NTM: variants seen among roughly 807,000 people sequenced by gnomAD.
NTM encodes IgLON family member 2.
Under a neutral mutation model 42.1 loss-of-function variants are expected in NTM, and 13 were observed. That is an observed-to-expected ratio of 0.31 (90% confidence interval 0.20 to 0.49). The LOEUF (loss-of-function observed/expected upper bound fraction) is 0.49, where lower values mean the gene tolerates loss of function less well. Ranked by LOEUF, NTM falls within the 20% of genes least tolerant of loss-of-function variation. The probability of loss-of-function intolerance (pLI) is 0.99; values close to 1 mark genes in which losing one functional copy is unlikely to be tolerated. For synonymous variants in NTM, 187 were observed against 179.2 expected (o/e 1.04, Z -0.35); for missense variants, 373 against 452.8 (o/e 0.82, Z 1.60).
intron 1 of NTM, among the ~76,000 whole-genome samples, chr11:131,871,485 T>C (rs187558077): frequency 1.3e-5 from 2 of 152,330 alleles, no homozygotes; most frequent in African/African-American, 4.8e-5. Context: ...ACAGCATGAC[T>C]GAATGTTATT....
intron 3 of NTM, among the ~76,000 whole-genome samples, chr11:132,210,861 A>G (rs1331075202): frequency 1.3e-5 from 2 of 152,192 alleles, no homozygotes; most frequent in Admixed American, 6.5e-5. Context: ...AAAATAGAAG[A>G]CCAAAGGAAG....
At chr11:131,884,472 T>C (rs1336997776) in intron 1 of NTM, among the ~76,000 whole-genome samples, 1 of 152,108 alleles carries the variant, frequency 6.6e-6, no homozygotes, top group Non-Finnish European at 1.5e-5. Flanking sequence ...GGTTTTAATA[T>C]TCCCAGGTCT....
chr11:132,102,417 G>A (rs1247715749), intron 2 of NTM, among the ~76,000 whole-genome samples: 1 of 152,120 alleles, frequency 6.6e-6, no homozygotes, highest in Non-Finnish European at 1.5e-5. Flanking sequence ...TGAAGAGCTG[G>A]GGCATACATT....
intron 2 of NTM, among the ~76,000 whole-genome samples, chr11:132,052,975 A>T (rs1315141568): frequency 6.6e-6 from 1 of 152,200 alleles, no homozygotes; most frequent in Non-Finnish European, 1.5e-5. Flanking sequence ...TGAAACAACA[A>T]CAACAAAATA....
intron 1 of NTM, among the ~76,000 whole-genome samples, chr11:131,579,528 A>G (rs2058214846): frequency 6.6e-6 from 1 of 152,180 alleles, no homozygotes; most frequent in Non-Finnish European, 1.5e-5. Context: ...ACCCCATAAT[A>G]TGTGAGCAAA....
chr11:131,989,236 A>G (rs927975962), intron 2 of NTM, among the ~76,000 whole-genome samples: 3 of 152,196 alleles, frequency 2.0e-5, no homozygotes, highest in African/African-American at 7.2e-5. Context: ...GCTCAAAAAC[A>G]TACTAATTAA....
At position 132,157,453 on chromosome 11, in the gene NTM, T is replaced by C. The variant is rs941211871; in HGVS notation, c.400+10939T>C. Among the ~76,000 whole-genome samples the C allele has an allele frequency of 3.9e-5, 6 of 152,274 alleles. No homozygotes were observed. The South Asian group carries it at 6.2e-4, about 16-fold the overall frequency. On this transcript the variant is annotated intron_variant, in intron 3 of 8. Coordinates refer to ENST00000683400, the MANE Select transcript of NTM (RefSeq NM_001352005.2). ...AGTCATCCACATTTCAAAACTAAGA[T>C]GATACTTTTTGATGTTGAAAATTTC... is the stretch of plus-strand genomic sequence containing the variant.
At chr11:131,708,440 A>T (rs2076799654) in intron 1 of NTM, among the ~76,000 whole-genome samples, 1 of 152,170 alleles carries the variant, frequency 6.6e-6, no homozygotes, top group Non-Finnish European at 1.5e-5. Context: ...CCTAAACATT[A>T]ACATTAGAGA....
chr11:132,130,387 C>T (rs1357823309), intron 2 of NTM, among the ~76,000 whole-genome samples: 1 of 152,056 alleles, frequency 6.6e-6, no homozygotes, highest in African/African-American at 2.4e-5. Flanking sequence ...ATTTTCCATT[C>T]TCTGCCTTGT....
intron 7 of NTM, 154 bp downstream of exon 7, chr11:132,314,857 T>A: frequency 1.4e-6 from 2 of 1,379,838 alleles, no homozygotes; most frequent in Admixed American, 3.3e-5. Context: ...CAGAAAGAAA[T>A]GGAGAGAGAG....
In NTM at chr11:132,110,879, A is replaced by G. The variant is rs1177168598; in HGVS notation, c.168-35403A>G. Among the ~76,000 whole-genome samples the G allele has an allele frequency of 2.6e-5, 4 of 151,586 alleles. No homozygotes were observed. In the East Asian group the frequency reaches 7.8e-4, roughly 29 times the overall value. ...GAGAGACCTCATCTCTACTAAAAAT[A>G]AAATTTAAAAAATTTTAAAAAATAT... is the stretch of plus-strand genomic sequence containing the variant. On this transcript the variant is annotated intron_variant, in intron 2 of 8. Coordinates refer to ENST00000683400, the MANE Select transcript of NTM (RefSeq NM_001352005.2).
intron 1 of NTM, among the ~76,000 whole-genome samples, chr11:131,388,822 G>C (rs909793952): frequency 2.6e-5 from 4 of 151,508 alleles, no homozygotes; most frequent in African/African-American, 9.7e-5. Flanking sequence ...GACCAGCCTG[G>C]CCAACATGGT....
intron 2 of NTM, among the ~76,000 whole-genome samples, chr11:131,914,532 A>G (rs577153498): frequency 2.0e-5 from 3 of 152,296 alleles, no homozygotes; most frequent in African/African-American, 7.2e-5. Context: ...CCAACATCAT[A>G]TTTTGAGGAT....
chr11:131,604,201 T>C (rs560979893), intron 1 of NTM, among the ~76,000 whole-genome samples: 2 of 152,262 alleles, frequency 1.3e-5, no homozygotes, highest in African/African-American at 4.8e-5. Context: ...ATGATCTGTC[T>C]TTTTTTACTA....
chr11:131,716,652 CT>C (rs2077721004), intron 1 of NTM, among the ~76,000 whole-genome samples: 1 of 152,126 alleles, frequency 6.6e-6, no homozygotes, highest in Non-Finnish European at 1.5e-5. Flanking sequence ...AACCATGTGT[CT>C]TTTTTGGTGA....
At chr11:132,114,795 CA>C (rs2063666231) in intron 2 of NTM, among the ~76,000 whole-genome samples, 1 of 152,132 alleles carries the variant, frequency 6.6e-6, no homozygotes, top group Admixed American at 6.5e-5. Flanking sequence ...GGGTAGGCTC[CA>C]GGGGCATAGA....
rs542906608 is a variant in NTM, at chr11:131,740,551, G to A, written c.83-171013G>A. Among the ~76,000 whole-genome samples the A allele has an allele frequency of 2.0e-5, 3 of 152,244 alleles. No individual in the cohort carries two copies. The South Asian group carries it at 6.2e-4, about 32-fold the overall frequency. On this transcript the variant is annotated intron_variant, in intron 1 of 8. Transcript: ENST00000683400. The stretch of plus-strand genomic sequence containing the variant: ...CTCACACTAAAATCCATAGAAAAGT[G>A]TTTATTTTCTTCAATTTTTTTTCTT...
intron 4 of NTM, among the ~76,000 whole-genome samples, chr11:132,263,822 T>C (rs769627895): frequency 5.3e-5 from 8 of 152,232 alleles, no homozygotes; most frequent in African/African-American, 7.2e-5. Context: ...GGATTACCTT[T>C]CCTCCAGTTT....
intron 1 of NTM, among the ~76,000 whole-genome samples, chr11:131,561,244 C>T (rs1360073810): frequency 1.3e-5 from 2 of 152,142 alleles, no homozygotes; most frequent in South Asian, 4.1e-4. Flanking sequence ...AGCAGGCTTT[C>T]CCTGATTAGA....
Sources: gnomAD v4.1 joint callset for allele counts (sites outside exome capture counted in the v4.1 genomes callset) on GRCh38, gnomAD v4.1.1 for gene constraint, MANE v1.5 for transcripts, NCBI Gene and HGNC (gene_info 2026-07-23, HGNC 2026-07-21) for gene names.